AKAP13: variants seen among roughly 807,000 people sequenced by gnomAD.
The protein encoded by AKAP13 is A-kinase anchor protein 13.
Under a neutral mutation model 264.5 loss-of-function variants are expected in AKAP13, and 80 were observed. The observed-to-expected ratio is 0.30, with a 90% CI of 0.25 to 0.36. The LOEUF is 0.36. Among genes scored for constraint, AKAP13 ranks in the 10% least tolerant of loss-of-function variants. The pLI is 1.00. For missense variants in AKAP13, 3,712 were observed against 3,435.2 expected, an observed-to-expected ratio of 1.08 and a Z score of -2.01; for synonymous variants, 1,380 against 1,250.2, an observed-to-expected ratio of 1.10 and a Z score of -2.19.
At chr15:85,403,957 A>G (rs1363823753) in intron 1 of AKAP13, among the ~76,000 whole-genome samples, 1 of 152,162 alleles carries the variant, frequency 6.6e-6, no homozygotes, top group Non-Finnish European at 1.5e-5. Flanking sequence ...TCAGGTTGGA[A>G]TACTGCCCTG....
intron 9 of AKAP13, among the ~76,000 whole-genome samples, chr15:85,641,936 A>T (rs944679884): frequency 6.6e-6 from 1 of 152,210 alleles, no homozygotes; most frequent in Admixed American, 6.5e-5. Flanking sequence ...GTTTGTTGGC[A>T]TATATGTTGT....
At chr15:85,400,346 G>A (rs1318636316) in intron 1 of AKAP13, among the ~76,000 whole-genome samples, 1 of 152,046 alleles carries the variant, frequency 6.6e-6, no homozygotes, top group Admixed American at 6.6e-5. Flanking sequence ...TGAGTTAGAG[G>A]TTACAGTGAG....
At chr15:85,564,367 G>T (rs1394616171) in intron 5 of AKAP13, among the ~76,000 whole-genome samples, 1 of 152,130 alleles carries the variant, frequency 6.6e-6, no homozygotes, top group Non-Finnish European at 1.5e-5. Context: ...TACATATATA[G>T]AATTTTACTG....
At chr15:85,669,961 C>T in intron 14 of AKAP13, 131 bp downstream of exon 14, 1 of 516,630 alleles carries the variant, frequency 1.9e-6, no homozygotes, top group South Asian at 3.4e-5. Context: ...GTGAATGGCT[C>T]AGCACTTAAA....
chr15:85,486,373 A>G (rs969972059), intron 2 of AKAP13, among the ~76,000 whole-genome samples: 7 of 152,132 alleles, frequency 4.6e-5, no homozygotes, highest in African/African-American at 7.2e-5. Flanking sequence ...TAGGAATTGT[A>G]TAGGTTTAGT....
At chr15:85,467,554 A>T (rs536868097) in intron 1 of AKAP13, among the ~76,000 whole-genome samples, 16 of 152,180 alleles carry the variant, frequency 1.1e-4, no homozygotes, top group African/African-American at 1.9e-4. Flanking sequence ...TCTGAGATTG[A>T]GATCAGATTA....
intron 10 of AKAP13, among the ~76,000 whole-genome samples, chr15:85,648,333 C>G (rs1277656172): frequency 1.3e-5 from 2 of 152,170 alleles, no homozygotes; most frequent in Non-Finnish European, 2.9e-5. Context: ...TCCTTGCAAC[C>G]TCCTAGGTGC....
At chr15:85,406,982 C>G (rs1386464519) in intron 1 of AKAP13, among the ~76,000 whole-genome samples, 2 of 151,628 alleles carry the variant, frequency 1.3e-5, no homozygotes, top group Non-Finnish European at 2.9e-5. Flanking sequence ...GATAAGATCT[C>G]TGGATTTTTT....
At chr15:85,471,648 C>A (rs2074965544) in intron 1 of AKAP13, among the ~76,000 whole-genome samples, 1 of 152,224 alleles carries the variant, frequency 6.6e-6, no homozygotes, top group African/African-American at 2.4e-5. Flanking sequence ...ATTCCTATCA[C>A]TCCCAGGTTT....
At chr15:85,625,927 G>T (rs766704253) in intron 8 of AKAP13, among the ~76,000 whole-genome samples, 2 of 152,172 alleles carry the variant, frequency 1.3e-5, no homozygotes, top group Non-Finnish European at 2.9e-5. Flanking sequence ...GCAGAAGGAG[G>T]GGGGAGATGT....
At chr15:85,567,453 G>A (rs1012537020) in intron 5 of AKAP13, among the ~76,000 whole-genome samples, 1 of 152,204 alleles carries the variant, frequency 6.6e-6, no homozygotes, top group African/African-American at 2.4e-5. Flanking sequence ...AGTGGTGACT[G>A]TAGGCTTTTA....
chr15:85,747,363 T>A lies in AKAP13; in HGVS notation c.*2686T>A, dbSNP rs2151798111. The A allele has an allele frequency of 6.9e-6, 1 of 144,148 alleles. No homozygotes were observed. The highest frequency in any genetic ancestry group is 2.4e-4 in the South Asian group (1 of 4,154). 8.9% of individuals were successfully genotyped at this position (144,148 alleles called of 1,614,324 possible). A position where few individuals can be genotyped will look rare whatever the true frequency, so the allele number is the denominator to read the frequency against. On this transcript the variant is annotated 3_prime_UTR_variant, in exon 37 of 37. Transcript: ENST00000394518. ...TAGTTGCTGGATCTAATGGCCTGTC[T>A]TGGTTTCTATCACATGAGAAGGGGT...
At chr15:85,649,638 A>G (rs2082715665) in intron 10 of AKAP13, among the ~76,000 whole-genome samples, 1 of 152,038 alleles carries the variant, frequency 6.6e-6, no homozygotes, top group Non-Finnish European at 1.5e-5. Flanking sequence ...TGACCTTTTC[A>G]CCTTAACCCT....
At position 85,718,778 on chromosome 15, in the gene AKAP13, C is replaced by CA; in HGVS notation, c.6002-297dup. The CA allele has an allele frequency of 2.9e-6, 1 of 340,030 alleles. No individual in the cohort carries two copies. Among genetic ancestry groups the CA allele is most frequent in the South Asian group, 2.8e-5 (1 of 35,194 alleles). 21.1% of individuals were successfully genotyped at this position (340,030 alleles called of 1,614,324 possible). On this transcript the variant is annotated intron_variant, in intron 22 of 36. Transcript: ENST00000394518. The surrounding 1 kb of genome is among the most constrained non-coding windows in gnomAD (Gnocchi z 4.9). ...AGCCAGGCGTGATGGCATGTACCTG[C>CA]AGCCCCAGCTGCTCGAGAGGCTAAA... is the stretch of plus-strand genomic sequence containing the variant.
At chr15:85,610,820 A>C (rs929973188) in intron 8 of AKAP13, among the ~76,000 whole-genome samples, 1 of 152,190 alleles carries the variant, frequency 6.6e-6, no homozygotes, top group Non-Finnish European at 1.5e-5. Flanking sequence ...CTCTACTAAA[A>C]ATAAAAAAAT....
intron 13 of AKAP13, among the ~76,000 whole-genome samples, chr15:85,669,473 C>CT (rs1415409282): frequency 1.3e-5 from 2 of 152,174 alleles, no homozygotes; most frequent in South Asian, 2.1e-4. Flanking sequence ...AATGGATACT[C>CT]TAATGATCCC....
chr15:85,511,693 A>G (rs1328004549), intron 2 of AKAP13, among the ~76,000 whole-genome samples: 1 of 152,070 alleles, frequency 6.6e-6, no homozygotes, highest in East Asian at 1.9e-4. Context: ...CAGTGGTGTG[A>G]TCATAGCTCA....
chr15:85,722,917 A>G (rs969406459), intron 25 of AKAP13, among the ~76,000 whole-genome samples, 155 bp from the exon 26 acceptor site: 1 of 152,232 alleles, frequency 6.6e-6, no homozygotes, highest in African/African-American at 2.4e-5. Context: ...TATGACAGCA[A>G]GAAGGATAGG....
intron 24 of AKAP13, 36 bp downstream of exon 24, chr15:85,722,152 T>A: frequency 6.2e-7 from 1 of 1,612,770 alleles, no homozygotes; most frequent in Non-Finnish European, 8.5e-7. Context: ...CCGTTATTGT[T>A]GAGAGCCATG....
Sources: gnomAD v4.1 joint callset for allele counts (sites outside exome capture counted in the v4.1 genomes callset) on GRCh38, gnomAD v4.1.1 for gene constraint, Gnocchi (gnomAD v3.1) non-coding constraint, MANE v1.5 for transcripts, NCBI Gene and HGNC (gene_info 2026-07-23, HGNC 2026-07-21) for gene names.